Variants in ZBTB16 observed in about 807,000 individuals in gnomAD.
ZBTB16 encodes the protein zinc finger and BTB domain-containing protein 16.
A neutral mutation model predicts 56.8 loss-of-function variants in ZBTB16; 8 were observed. That is an observed-to-expected ratio of 0.14 (90% CI 0.08 to 0.25). The LOEUF is 0.25. ZBTB16 is among the 10% of genes least tolerant of loss of function. ZBTB16 has a pLI of 1.00. For missense variants in ZBTB16, 625 were observed against 903.0 expected, an observed-to-expected ratio of 0.69 and a Z score of 3.95; for synonymous variants, 363 against 368.5, an observed-to-expected ratio of 0.98 and a Z score of 0.17.
At chr11:114,131,834 C>T (rs1344989165) in intron 2 of ZBTB16, among the ~76,000 whole-genome samples, 1 of 152,164 alleles carries the variant, frequency 6.6e-6, no homozygotes, top group Non-Finnish European at 1.5e-5. Flanking sequence ...GTTTGAATGG[C>T]TCTAAGTGAG....
At chr11:114,073,624 G>C (rs1305194556) in intron 2 of ZBTB16, among the ~76,000 whole-genome samples, 1 of 152,146 alleles carries the variant, frequency 6.6e-6, no homozygotes, top group East Asian at 1.9e-4. Context: ...TGTGTCCTCG[G>C]GACCTGATTT....
intron 3 of ZBTB16, among the ~76,000 whole-genome samples, chr11:114,180,316 T>A (rs1943218150): frequency 6.6e-6 from 1 of 152,194 alleles, no homozygotes; most frequent in African/African-American, 2.4e-5. Context: ...GATGTCCGCC[T>A]GTCTCTTTCA....
intron 4 of ZBTB16, among the ~76,000 whole-genome samples, chr11:114,220,307 C>T (rs1463718066): frequency 6.6e-6 from 1 of 152,238 alleles, no homozygotes; most frequent in Non-Finnish European, 1.5e-5. Flanking sequence ...CCCTGAATAG[C>T]AGCCATTCAG....
chr11:114,086,365 C>G (rs551246079), intron 2 of ZBTB16, among the ~76,000 whole-genome samples: 1 of 152,048 alleles, frequency 6.6e-6, no homozygotes, highest in South Asian at 2.1e-4. Flanking sequence ...CTCCTCAAGT[C>G]AGGCTTCTCT....
At chr11:114,148,756 G>T (rs1942208471) in intron 2 of ZBTB16, among the ~76,000 whole-genome samples, 1 of 151,828 alleles carries the variant, frequency 6.6e-6, no homozygotes. Flanking sequence ...GCCTCCCAAA[G>T]TGTTAGGATT....
chr11:114,192,792 A>ATG (rs1943529169), intron 4 of ZBTB16, among the ~76,000 whole-genome samples: 3 of 151,628 alleles, frequency 2.0e-5, no homozygotes, highest in East Asian at 2.0e-4. Context: ...GCTAGACCGC[A>ATG]TGTAACTGAG....
At chr11:114,134,787 G>A (rs147394597) in intron 2 of ZBTB16, among the ~76,000 whole-genome samples, 28 of 152,266 alleles carry the variant, frequency 1.8e-4, no homozygotes, top group Admixed American at 3.9e-4. Context: ...CAATGAAAAT[G>A]GATAAAAGAA....
intron 2 of ZBTB16, among the ~76,000 whole-genome samples, chr11:114,117,243 T>G (rs899858504): frequency 7.2e-5 from 11 of 152,078 alleles, no homozygotes; most frequent in African/African-American, 2.7e-4. Context: ...GAGGTATGGT[T>G]GTGAGCCTAT....
intron 4 of ZBTB16, among the ~76,000 whole-genome samples, chr11:114,224,546 C>G (rs952938970): frequency 2.6e-5 from 4 of 152,138 alleles, no homozygotes; most frequent in African/African-American, 9.7e-5. Context: ...GAGAGACCCA[C>G]TGGATATGTC....
chr11:114,120,430 C>T (rs993570194), intron 2 of ZBTB16, among the ~76,000 whole-genome samples: 4 of 152,218 alleles, frequency 2.6e-5, no homozygotes, highest in Non-Finnish European at 5.9e-5. Context: ...GAACTCCCTT[C>T]ACCTCTTCTA....
intron 2 of ZBTB16, among the ~76,000 whole-genome samples, chr11:114,137,757 A>G (rs1941835731): frequency 6.6e-6 from 1 of 152,118 alleles, no homozygotes; most frequent in Non-Finnish European, 1.5e-5. Context: ...TTCTCTGGAG[A>G]AAACAGTGTA....
At chr11:114,139,393 G>A (rs1243441231) in intron 2 of ZBTB16, among the ~76,000 whole-genome samples, 1 of 152,040 alleles carries the variant, frequency 6.6e-6, no homozygotes, top group East Asian at 1.9e-4. Context: ...CTCCGGCTTC[G>A]CCAGTTTGTT....
intron 2 of ZBTB16, among the ~76,000 whole-genome samples, chr11:114,149,425 G>T (rs1486331264): frequency 1.3e-5 from 2 of 152,096 alleles, no homozygotes; most frequent in Non-Finnish European, 2.9e-5. Context: ...TAACTCTCCT[G>T]GTCTGGATCC....
intron 3 of ZBTB16, among the ~76,000 whole-genome samples, chr11:114,167,653 C>G (rs188201756): frequency 1.7e-3 from 263 of 152,176 alleles, no homozygotes; most frequent in African/African-American, 5.9e-3. Flanking sequence ...CTCCCCAGCC[C>G]CCTCCTGCTC....
intron 4 of ZBTB16, among the ~76,000 whole-genome samples, chr11:114,194,301 A>G (rs1943560680): frequency 1.3e-5 from 2 of 152,168 alleles, no homozygotes; most frequent in Non-Finnish European, 2.9e-5. Context: ...ATTTAATGGA[A>G]ACTATTTCCA....
intron 2 of ZBTB16, among the ~76,000 whole-genome samples, chr11:114,077,710 A>G (rs1591643549): frequency 6.6e-6 from 1 of 152,038 alleles, no homozygotes; most frequent in African/African-American, 2.4e-5. Flanking sequence ...CTCCTGACAC[A>G]CCTGCCCCTC....
chr11:114,217,252 C>A (rs1944124882), intron 4 of ZBTB16, among the ~76,000 whole-genome samples: 1 of 152,140 alleles, frequency 6.6e-6, no homozygotes, highest in Non-Finnish European at 1.5e-5. Flanking sequence ...ACAAGGAGTT[C>A]TTGGAAGCCT....
chr11:114,119,859 C>G (rs1050895950), intron 2 of ZBTB16, among the ~76,000 whole-genome samples: 2 of 152,160 alleles, frequency 1.3e-5, no homozygotes, highest in Non-Finnish European at 2.9e-5. Context: ...AGCGGTGGAG[C>G]GAGGATCTTG....
At chr11:114,157,975 G>T (rs945685068) in intron 3 of ZBTB16, among the ~76,000 whole-genome samples, 1 of 151,768 alleles carries the variant, frequency 6.6e-6, no homozygotes, top group African/African-American at 2.4e-5. Flanking sequence ...GCATTTCTGC[G>T]TCCGGATCTG....
Sources: gnomAD v4.1 joint callset for allele counts (sites outside exome capture counted in the v4.1 genomes callset) on GRCh38, gnomAD v4.1.1 for gene constraint, MANE v1.5 for transcripts, NCBI Gene and HGNC (gene_info 2026-07-23, HGNC 2026-07-21) for gene names.